The following ATRNL1 variants were observed in gnomAD, a reference collection of about 807,000 sequenced individuals.
The protein encoded by ATRNL1 is attractin-like protein 1.
ATRNL1 carries 95 observed loss-of-function variants against 182.7 expected under a neutral mutation model. The ratio of observed to expected loss-of-function variants is 0.52; its 90% CI spans 0.44 to 0.62. The LOEUF (loss-of-function observed/expected upper bound fraction) is 0.62. Among genes scored for constraint, ATRNL1 ranks in the 20% least tolerant of loss-of-function variants. The pLI is 0.00. For missense variants in ATRNL1, 1,471 were observed against 1,679.5 expected (o/e 0.88, Z 2.17); for synonymous variants, 576 against 568.3 (o/e 1.01, Z -0.19).
At chr10:115,771,496 C>G (rs1037191896) in intron 27 of ATRNL1, among the ~76,000 whole-genome samples, 1 of 152,166 alleles carries the variant, frequency 6.6e-6, no homozygotes, top group Non-Finnish European at 1.5e-5. Context: ...TCCCAAAGTG[C>G]TGGGATTACA....
At chr10:115,820,720 G>A (rs552511590) in intron 27 of ATRNL1, among the ~76,000 whole-genome samples, 8 of 152,162 alleles carry the variant, frequency 5.3e-5, no homozygotes, top group African/African-American at 1.2e-4. Context: ...GGTAAAGAGT[G>A]CATGCTCTGA....
At chr10:115,384,241 G>A (rs683117) in intron 19 of ATRNL1, among the ~76,000 whole-genome samples, 111,348 of 151,754 alleles carry the variant, frequency 0.73, 41,926 homozygotes, top group African/African-American at 0.82. Flanking sequence ...TTAGTTATAA[G>A]TAGTAAATGC....
At chr10:115,538,355 C>T (rs1489272235) in intron 25 of ATRNL1, among the ~76,000 whole-genome samples, 5 of 152,186 alleles carry the variant, frequency 3.3e-5, no homozygotes, top group Non-Finnish European at 7.3e-5. Context: ...CTCACCAGTG[C>T]TTGGTCCTGT....
intron 26 of ATRNL1, among the ~76,000 whole-genome samples, chr10:115,557,476 C>T (rs1554997348): frequency 6.6e-6 from 1 of 151,866 alleles, no homozygotes; most frequent in African/African-American, 2.4e-5. Flanking sequence ...CTTCTGGAAG[C>T]CAAGGAAACA....
intron 10 of ATRNL1, among the ~76,000 whole-genome samples, chr10:115,258,725 G>GCT (rs1197430497): frequency 1.3e-5 from 2 of 152,088 alleles, no homozygotes; most frequent in Admixed American, 6.5e-5. Flanking sequence ...CACCTTTTCT[G>GCT]CTCTGGTTTC....
intron 21 of ATRNL1, among the ~76,000 whole-genome samples, chr10:115,438,986 C>T (rs1554965212): frequency 6.6e-6 from 1 of 151,824 alleles, no homozygotes; most frequent in African/African-American, 2.4e-5. Flanking sequence ...GGCCAGAAAC[C>T]TTACCAATAA....
chr10:115,882,740 G>C (rs1342583872), intron 28 of ATRNL1, among the ~76,000 whole-genome samples: 1 of 152,220 alleles, frequency 6.6e-6, no homozygotes, highest in Admixed American at 6.5e-5. Context: ...TCCCCGCAGA[G>C]CTCTTAGGTC....
At chr10:115,295,310 T>A (rs1475199047) in intron 15 of ATRNL1, among the ~76,000 whole-genome samples, 1 of 151,994 alleles carries the variant, frequency 6.6e-6, no homozygotes, top group Non-Finnish European at 1.5e-5. Flanking sequence ...TGGGGGAATA[T>A]CTGCTGGGAG....
intron 27 of ATRNL1, among the ~76,000 whole-genome samples, chr10:115,767,852 G>A (rs1948895996): frequency 6.6e-6 from 1 of 152,216 alleles, no homozygotes; most frequent in East Asian, 1.9e-4. Context: ...CCTCAGTAAA[G>A]TTTTGTTTGT....
At chr10:115,706,682 A>G (rs1283195243) in intron 26 of ATRNL1, among the ~76,000 whole-genome samples, 1 of 151,964 alleles carries the variant, frequency 6.6e-6, no homozygotes, top group Non-Finnish European at 1.5e-5. Context: ...CCAGATGGCA[A>G]ACTTTGTCAT....
intron 27 of ATRNL1, among the ~76,000 whole-genome samples, chr10:115,815,535 G>A (rs1188366760): frequency 6.6e-6 from 1 of 151,110 alleles, no homozygotes; most frequent in African/African-American, 2.4e-5. Flanking sequence ...ATTACACGAA[G>A]CTTAACAAAC....
intron 16 of ATRNL1, 97 bp from the exon 17 acceptor site, chr10:115,301,758 T>C: frequency 9.4e-7 from 1 of 1,060,044 alleles, no homozygotes; most frequent in Non-Finnish European, 1.3e-6. Flanking sequence ...GTTGGCTTAA[T>C]TGAAACATGC....
chr10:115,855,612 CA>C (rs1335336964), intron 28 of ATRNL1, among the ~76,000 whole-genome samples: 5 of 152,034 alleles, frequency 3.3e-5, no homozygotes, highest in Non-Finnish European at 7.4e-5. Flanking sequence ...AAAAGATGTG[CA>C]AAAGATGTAT....
intron 28 of ATRNL1, among the ~76,000 whole-genome samples, chr10:115,938,517 CT>C (rs1555123401): frequency 6.6e-6 from 1 of 152,026 alleles, no homozygotes; most frequent in African/African-American, 2.4e-5. Context: ...GTATGTTCTA[CT>C]TATTTACAAA....
intron 21 of ATRNL1, among the ~76,000 whole-genome samples, chr10:115,438,900 C>G (rs955693094): frequency 2.5e-4 from 38 of 151,822 alleles, no homozygotes; most frequent in African/African-American, 8.9e-4. Context: ...TATAGAGGCA[C>G]CAACCCCGCA....
At chr10:115,486,136 A>G (rs1849012253) in intron 24 of ATRNL1, among the ~76,000 whole-genome samples, 1 of 152,122 alleles carries the variant, frequency 6.6e-6, no homozygotes, top group South Asian at 2.1e-4. Context: ...TTCTTTGTCC[A>G]GTCTATCATT....
At chr10:115,721,345 A>G (rs567967381) in intron 26 of ATRNL1, among the ~76,000 whole-genome samples, 2 of 152,218 alleles carry the variant, frequency 1.3e-5, no homozygotes, top group East Asian at 1.9e-4. Flanking sequence ...TTCTACATAC[A>G]TTGACATGCA....
Position 115,444,923 on chromosome 10 carries a change from G to C in ATRNL1, c.3323-17018G>C, listed in dbSNP as rs1194321512. On this transcript the variant is annotated intron_variant, in intron 21 of 28. Coordinates refer to ENST00000355044, the MANE Select transcript of ATRNL1 (RefSeq NM_207303.4). ...TTTTTGTATTTTTAGTAGAGATGGGGTTTCACCATGTTGGCCAGGCTGGTC... is the reference window on the plus strand; with the variant it reads ...TTTTTGTATTTTTAGTAGAGATGGGCTTTCACCATGTTGGCCAGGCTGGTC... Among the ~76,000 whole-genome samples the C allele has an allele frequency of 4.6e-5, 7 of 151,162 alleles. 1 individual carries two copies. The highest frequency in any genetic ancestry group is 1.7e-4 in the African/African-American group (7 of 41,272).
chr10:115,591,277 A>G (rs1300884279), intron 26 of ATRNL1, among the ~76,000 whole-genome samples: 1 of 152,180 alleles, frequency 6.6e-6, no homozygotes, highest in Non-Finnish European at 1.5e-5. Flanking sequence ...ATAACATAGT[A>G]TCAGATATAT....
Sources: allele counts gnomAD v4.1 joint callset (sites outside exome capture counted in the v4.1 genomes callset), GRCh38; gene constraint gnomAD v4.1.1; transcripts MANE v1.5; gene names NCBI Gene and HGNC (gene_info 2026-07-23, HGNC 2026-07-21).